The following LARGE2 variants were observed in gnomAD, a reference collection of about 807,000 sequenced individuals.
LARGE2 encodes the protein LARGE xylosyl- and glucuronyltransferase 2, also known as xylosyl- and glucuronyltransferase LARGE2.
In LARGE2, 63 loss-of-function variants were observed where a neutral mutation model predicts 75.3. The observed-to-expected ratio is 0.84, with a 90% CI of 0.68 to 1.03. The LOEUF is 1.03. LARGE2 is among the 50% of genes least tolerant of loss of function. LARGE2 has a pLI of 0.00. For missense variants in LARGE2, 925 were observed against 980.6 expected (o/e 0.94, Z 0.76); for synonymous variants, 428 against 420.1 (o/e 1.02, Z -0.23).
chr11:45,928,157 C>T lies in LARGE2; in HGVS notation c.1755-20C>T, dbSNP rs1340243303. The T allele has an allele frequency of 2.5e-6, 4 of 1,613,104 alleles. No individual in the cohort carries two copies. Among genetic ancestry groups the T allele is most frequent in the Non-Finnish European group, 3.4e-6 (4 of 1,179,934 alleles). On this transcript the variant is annotated intron_variant, in intron 12 of 13. Coordinates refer to ENST00000401752, the MANE Select transcript of LARGE2 (RefSeq NM_001300721.2). ...GAGCTCCTAGCCTCAGCCTGGCTCC[C>T]ACCCGACCCTGCTGCACAGGTACCA... is the stretch of plus-strand genomic sequence containing the variant.
In LARGE2 at chr11:45,926,490, G is replaced by T. The variant is rs934910864; in HGVS notation, c.1057G>T (p.Val353Leu). The part of the protein sequence containing the change: ...PKKLRVKNKH[V>L]EFFRNFYLTF... The stretch of plus-strand genomic sequence containing the variant: ...GAAGCTTCGGGTGAAGAACAAGCAT[G>T]TGGAATTCTTCCGCAATTTCTACCT... Residue 353 changes from valine (V) to leucine (L), a missense_variant, in exon 9 of 14, where the codon GTG (valine) becomes TTG (leucine). Coordinates refer to ENST00000401752, the MANE Select transcript of LARGE2 (RefSeq NM_001300721.2). 1 of 1,614,020 alleles carries T rather than the reference G, an allele frequency of 6.2e-7. No homozygotes were observed. The highest frequency in any genetic ancestry group is 8.5e-7 in the Non-Finnish European group (1 of 1,180,048).
intron 10 of LARGE2, among the ~76,000 whole-genome samples, 196 bp downstream of exon 10, chr11:45,927,067 C>T (rs960435211): frequency 3.3e-5 from 5 of 152,210 alleles, no homozygotes; most frequent in East Asian, 3.8e-4. Context: ...AGCTGCCCCT[C>T]GGTCGCTGTG....
At chr11:45,922,577 G>A (rs879493545), upstream of LARGE2, 3 of 214,492 alleles carry the variant, frequency 1.4e-5, no homozygotes, top group Non-Finnish European at 2.7e-5. Flanking sequence ...CCAGGACCCC[G>A]GGGGGGTCAC....
At position 45,923,031 on chromosome 11, in the gene LARGE2, G is replaced by T. The variant is rs1310425532; in HGVS notation, c.149G>T (p.Gly50Val). The T allele has an allele frequency of 7.1e-7, 1 of 1,399,586 alleles. No individual in the cohort carries two copies. Among genetic ancestry groups the T allele is most frequent in the Admixed American group, 3.1e-5 (1 of 32,572 alleles). 86.7% of individuals were successfully genotyped at this position (1,399,586 alleles called of 1,614,324 possible). ...GCGGGGGCCCCGGGATGCTTCCCCG[G>T]CCCGCTCATGCCACGTGTCCCCCCA... is the stretch of plus-strand genomic sequence containing the variant. ...GRAGAPGCFP[G>V]PLMPRVPPDG... Residue 50 changes from glycine (G) to valine (V), a missense_variant, in exon 2 of 14, where the codon GGC (glycine) becomes GTC (valine). Transcript: ENST00000401752.
At position 45,924,287 on chromosome 11, in the gene LARGE2, C is replaced by T. The variant is rs1215548298; in HGVS notation, c.492+10C>T. On this transcript the variant is annotated intron_variant, in intron 4 of 13. Transcript: ENST00000401752. ...TGCCGACCAGCTCAAGGCAGGGGCC[C>T]AGCCCTTCCCCCCTCCCCTCAGCTG... 3 of 1,612,210 alleles carry T rather than the reference C, an allele frequency of 1.9e-6. No homozygotes were observed. Among genetic ancestry groups the T allele is most frequent in the Non-Finnish European group, 2.5e-6 (3 of 1,179,944 alleles).
chr11:45,926,356 G>A lies in LARGE2; in HGVS notation c.1008+9G>A. Reference sequence around the variant, plus strand: ...AGGCGTCTGACCTCAAGGTGAGTGGGACAAGAGGCTGTGTGGTGGTGGGGG... The same window carrying A: ...AGGCGTCTGACCTCAAGGTGAGTGGAACAAGAGGCTGTGTGGTGGTGGGGG... On this transcript the variant is annotated intron_variant, in intron 8 of 13. Coordinates refer to ENST00000401752, the MANE Select transcript of LARGE2 (RefSeq NM_001300721.2). 1 of 1,614,086 alleles carries A rather than the reference G, an allele frequency of 6.2e-7. No homozygotes were observed. The highest frequency in any genetic ancestry group is 8.5e-7 in the Non-Finnish European group (1 of 1,180,020).
chr11:45,928,167 T>C lies in LARGE2; in HGVS notation c.1755-10T>C, dbSNP rs1295879199. ...CCTCAGCCTGGCTCCCACCCGACCC[T>C]GCTGCACAGGTACCACGAGTGGCCC... is the stretch of plus-strand genomic sequence containing the variant. On this transcript the variant is annotated splice_polypyrimidine_tract_variant and intron_variant, in intron 12 of 13. Coordinates refer to ENST00000401752, the MANE Select transcript of LARGE2 (RefSeq NM_001300721.2). The C allele has an allele frequency of 6.2e-7, 1 of 1,613,404 alleles. No homozygotes were observed. The highest frequency in any genetic ancestry group is 1.1e-5 in the South Asian group (1 of 91,066).
Position 45,928,830 on chromosome 11 carries a change from C to T in LARGE2, c.2151C>T (p.Ser717=). The T allele has an allele frequency of 6.2e-7, 1 of 1,613,260 alleles. No individual in the cohort carries two copies. The highest frequency in any genetic ancestry group is 8.5e-7 in the Non-Finnish European group (1 of 1,179,892). ...TCCCAGCCCTGCAGCAGCCCCAGAG[C>T]CCTGCCCGAGGCTGAGGCTGGGCCG... The part of the protein sequence containing the change: ...KYLPALQQPQ[S]PARG Residue 717 remains serine (S), a synonymous_variant, in exon 14 of 14, where the codon AGC becomes AGT. Coordinates refer to ENST00000401752, the MANE Select transcript of LARGE2 (RefSeq NM_001300721.2).
rs566420515 is a variant in LARGE2, at chr11:45,925,923, A to G, written c.770-116A>G. The G allele has an allele frequency of 1.1e-4, 88 of 829,770 alleles. No homozygotes were observed. The African/African-American group carries it at 1.3e-3, about 13-fold the overall frequency. The allele number at this position is 829,770 out of a possible 1,614,324, so 51.4% of individuals were successfully genotyped here. On this transcript the variant is annotated intron_variant, in intron 6 of 13. Coordinates refer to ENST00000401752, the MANE Select transcript of LARGE2 (RefSeq NM_001300721.2). ...AACAAAAAACAAGTAGTCCATGATC[A>G]TGTCTGAACAGTCAGAAAATACCAA...
At chr11:45,923,437 A>AC in intron 2 of LARGE2, 36 bp from the exon 3 acceptor site, 1 of 1,499,446 alleles carries the variant, frequency 6.7e-7, no homozygotes, top group Non-Finnish European at 9.0e-7. Context: ...CTAGCGGAGA[A>AC]GGGGGGCTGC....
Position 45,927,385 on chromosome 11 carries a change from G to A in LARGE2, c.1396G>A (p.Ala466Thr), listed in dbSNP as rs185529842. The A allele has an allele frequency of 4.2e-4, 672 of 1,614,042 alleles. 5 individuals are homozygous for A. In the Admixed American group the frequency reaches 9.5e-3, roughly 23 times the overall value. The change falls in exon 11 of 14, where the codon GCA becomes ACA. Residue 466 changes from alanine to threonine, a missense_variant. This residue lies in a region of LARGE2 where 469 missense variants were observed against 503.8 expected (regional missense o/e 0.93). Coordinates refer to ENST00000401752, the MANE Select transcript of LARGE2 (RefSeq NM_001300721.2). ...PMSLALYLTD[A>T]EAQQFLHFVE... ...GAGCCTGGCCTTGTACCTGACAGAC[G>A]CAGAAGCTCAGCAGTTCCTGCATTT...
rs2087078404 is a variant in LARGE2, at chr11:45,924,773, C to T, written c.665-12C>T. 2 of 1,505,846 alleles carry T rather than the reference C, an allele frequency of 1.3e-6. No homozygotes were observed. The highest frequency in any genetic ancestry group is 4.9e-5 in the East Asian group (2 of 40,634). The allele number at this position is 1,505,846 out of a possible 1,614,324, so 93.3% of individuals were successfully genotyped here. ...CAGCTTCAGACAGCTCCCTTATGCC[C>T]TCCCCTCCCAGACACGCAGGCGATC... On this transcript the variant is annotated splice_polypyrimidine_tract_variant and intron_variant, in intron 5 of 13. Transcript: ENST00000401752.
rs184928980 is a variant in LARGE2 at position 45,928,259 on chromosome 11, G to A, written c.1837G>A (p.Ala613Thr). Residue 613 changes from alanine (A) to threonine (T), a missense_variant, in exon 13 of 14, where the codon GCG becomes ACG. Around this residue, in one of 3 missense-constraint regions of LARGE2, gnomAD observed 469 missense variants for 503.8 expected, o/e 0.93. Transcript: ENST00000401752. ...TCAGGCCCCGTACCGTGTGCAATGG[G>A]CGGCCAACTATGAACCCTACGTGGT... ...EAQAPYRVQW[A>T]ANYEPYVVVP... 1.2e-6 allele frequency: 2 copies of A among 1,614,054 alleles called. No individual in the cohort carries two copies. Among genetic ancestry groups the A allele is most frequent in the Non-Finnish European group, 1.7e-6 (2 of 1,180,040 alleles).
chr11:45,921,989 C>G (rs2086937361), upstream of LARGE2, among the ~76,000 whole-genome samples: 1 of 152,140 alleles, frequency 6.6e-6, no homozygotes. Flanking sequence ...GAAAGACGAG[C>G]TCCAGGCCGG....
At position 45,927,375 on chromosome 11, in the gene LARGE2, C is replaced by A. The variant is rs146664736; in HGVS notation, c.1386C>A (p.Tyr462Ter). ...HWPGPMSLAL[Y>*]LTDAEAQQFL... The stretch of plus-strand genomic sequence containing the variant: ...CTGGCCCCATGAGCCTGGCCTTGTA[C>A]CTGACAGACGCAGAAGCTCAGCAGT... Residue 462 changes from tyrosine to a stop codon, truncating the protein, a stop_gained, in exon 11 of 14, where the codon TAC (tyrosine) becomes TAA (stop). Transcript: ENST00000401752. LOFTEE classifies it high-confidence loss of function. 17 of 1,613,890 alleles carry A rather than the reference C, an allele frequency of 1.1e-5. No homozygotes were observed. The highest frequency in any genetic ancestry group is 1.7e-5 in the Admixed American group (1 of 60,012).
chr11:45,928,558 T>C (rs1161445653), intron 13 of LARGE2, 72 bp from the exon 14 acceptor site: 9 of 1,574,208 alleles, frequency 5.7e-6, no homozygotes, highest in Non-Finnish European at 6.0e-6. Flanking sequence ...GGTAAGCCTG[T>C]TCTCTGGAGC....
In LARGE2 at chr11:45,926,701, G is replaced by A. The variant is rs756719208; in HGVS notation, c.1165-10G>A. On this transcript the variant is annotated splice_polypyrimidine_tract_variant and intron_variant, in intron 9 of 13. Coordinates refer to ENST00000401752, the MANE Select transcript of LARGE2 (RefSeq NM_001300721.2). ...CTATCCCCGGTCCTTGTCACCCCTT[G>A]CCCCCTCAGTTGCAGCAGGCCCTGG... The A allele has an allele frequency of 9.9e-6, 16 of 1,609,752 alleles. No homozygotes were observed. The South Asian group carries it at 1.7e-4, about 17-fold the overall frequency.
In LARGE2 at chr11:45,924,252, G is replaced by A; in HGVS notation, c.467G>A (p.Ser156Asn). Residue 156 changes from serine (S) to asparagine (N), a missense_variant, in exon 4 of 14, where the codon AGC becomes AAC. Ser to Asn is a conservative substitution (Grantham distance 46). Coordinates refer to ENST00000401752, the MANE Select transcript of LARGE2 (RefSeq NM_001300721.2). ...TGGATGGTGCCTGCTGTCCGTGTCA[G>A]CTTTTATCATGCCGACCAGCTCAAG... is the stretch of plus-strand genomic sequence containing the variant. ...HTWMVPAVRV[S>N]FYHADQLKPQ... The A allele has an allele frequency of 6.2e-7, 1 of 1,613,472 alleles. No homozygotes were observed.
rs763003376 is a variant in LARGE2, at chr11:45,928,630, G to A, written c.1951G>A (p.Glu651Lys). 1.2e-6 allele frequency: 2 copies of A among 1,613,046 alleles called. No homozygotes were observed. Among genetic ancestry groups the A allele is most frequent in the South Asian group, 2.2e-5 (2 of 91,022 alleles). ...ACTGCTCCTCTGCCCCACCCTGCAGGAATATGAGCTCCTGGTGCTGCCCGA... is the reference window on the plus strand; with the variant it reads ...ACTGCTCCTCTGCCCCACCCTGCAGAAATATGAGCTCCTGGTGCTGCCCGA... Reference protein sequence around the residue: ...VAHIVELDAQEYELLVLPEAF... With the variant: ...VAHIVELDAQKYELLVLPEAF... Residue 651 changes from glutamate to lysine, a missense_variant and splice_region_variant, in exon 14 of 14, where the codon GAA (glutamate) becomes AAA (lysine). Transcript: ENST00000401752.
Sources: gnomAD v4.1 joint callset for allele counts (sites outside exome capture counted in the v4.1 genomes callset) on GRCh38, gnomAD v4.1.1 for gene constraint, gnomAD v4.1.1 regional missense constraint, MANE v1.5 for transcripts, NCBI Gene and HGNC (gene_info 2026-07-23, HGNC 2026-07-21) for gene names.